Variants in CFI observed in about 807,000 individuals in gnomAD.
CFI encodes the protein C3B/C4B inactivator.
In CFI, 66 loss-of-function variants were observed where a neutral mutation model predicts 78.8. The observed-to-expected ratio is 0.84, with a 90% CI of 0.69 to 1.03. CFI has a LOEUF of 1.03. CFI is among the 50% of genes least tolerant of loss of function. The pLI is 0.00. For synonymous variants in CFI, 250 were observed against 232.6 expected (o/e 1.07, Z -0.68); for missense variants, 706 against 704.5 (o/e 1.00, Z -0.02).
intron 2 of CFI, 32 bp downstream of exon 2, chr4:109,766,522 A>G (rs1304823217): frequency 1.9e-6 from 3 of 1,611,532 alleles, no homozygotes; most frequent in Non-Finnish European, 2.5e-6. Context: ...CTTTTATATC[A>G]TAGAATGACT....
chr4:109,775,522 C>A (rs533988412), intron 1 of CFI, among the ~76,000 whole-genome samples: 11 of 152,332 alleles, frequency 7.2e-5, no homozygotes, highest in African/African-American at 2.6e-4. Flanking sequence ...GGGTGGAGCC[C>A]ACCACAGCTC....
At chr4:109,756,356 G>A (rs1726140102) in intron 7 of CFI, among the ~76,000 whole-genome samples, 1 of 146,848 alleles carries the variant, frequency 6.8e-6, no homozygotes, top group Non-Finnish European at 1.5e-5. Flanking sequence ...AGAAGAAGCA[G>A]CAGGAGGAGG....
rs1450258866 is a variant in CFI at position 109,741,207 on chromosome 4, A to T, written c.1535-97T>A. On this transcript the variant is annotated intron_variant, in intron 12 of 12. Transcript: ENST00000394634. ...GGCATTTAACAACTTTGGCTTTTTTACAGTTTCCTGACAGCAATAGCATGG... is the reference window on the plus strand; with the variant it reads ...GGCATTTAACAACTTTGGCTTTTTTTCAGTTTCCTGACAGCAATAGCATGG... 1.9e-6 allele frequency: 3 copies of T among 1,591,706 alleles called. No individual in the cohort carries two copies. In the African/African-American group the frequency reaches 4.0e-5, roughly 21 times the overall value.
At chr4:109,756,890 AAAGAAAGAAAG>A (rs1726248887) in intron 7 of CFI, among the ~76,000 whole-genome samples, 1 of 16,628 alleles carries the variant, frequency 6.0e-5, no homozygotes, top group Non-Finnish European at 1.4e-4. Flanking sequence ...GAAAGAAAGG[AAAGAAAGAAAG>A]AAAGAAAGAA....
the CFI span, among the ~76,000 whole-genome samples, chr4:109,734,067 G>T: frequency 6.6e-6 from 1 of 152,180 alleles, no homozygotes; most frequent in African/African-American, 2.4e-5. Flanking sequence ...AGCTACTTGG[G>T]AAGCTGAGGT....
rs184663176 is a variant in CFI, at chr4:109,776,631, G to C, written c.58-9807C>G. Among the ~76,000 whole-genome samples, 811 of 152,270 alleles carry C rather than the reference G, an allele frequency of 5.3e-3. 6 individuals are homozygous for C. Among genetic ancestry groups the C allele is most frequent in the African/African-American group, 0.019 (777 of 41,538 alleles). On this transcript the variant is annotated intron_variant, in intron 1 of 12. Coordinates refer to ENST00000394634, the MANE Select transcript of CFI (RefSeq NM_000204.5). The stretch of plus-strand genomic sequence containing the variant: ...CAGGAAATACAGAGAATGCCACAAA[G>C]ATACTCCTCGAGAAGAGCAACAGCA...
Position 109,749,521 on chromosome 4 carries a change from A to T in CFI, c.1022T>A (p.Val341Glu), listed in dbSNP as rs747842653. The change falls in exon 9 of 13, where the codon GTG becomes GAG. Residue 341 changes from valine to glutamate, a missense_variant. Val to Glu is a moderately radical substitution (Grantham distance 121). Transcript: ENST00000394634. ...TACCAGTTGTGCTCGCTTTCCTCCC[A>T]CAATTCGTTTCCTTCGAATGTGCAT... ...NRMHIRRKRI[V>E]GGKRAQLGDL... 1.2e-5 allele frequency: 20 copies of T among 1,613,566 alleles called. No homozygotes were observed. The highest frequency in any genetic ancestry group is 1.7e-5 in the Non-Finnish European group (20 of 1,179,554).
intron 1 of CFI, among the ~76,000 whole-genome samples, chr4:109,788,273 A>T (rs918940337): frequency 6.6e-6 from 1 of 152,140 alleles, no homozygotes; most frequent in Non-Finnish European, 1.5e-5. Flanking sequence ...GGAATGAGTA[A>T]TTTTAATATC....
intron 2 of CFI, 88 bp downstream of exon 2, chr4:109,766,466 A>C (rs1727759455): frequency 4.7e-6 from 7 of 1,500,202 alleles, no homozygotes; most frequent in Non-Finnish European, 6.5e-6. Context: ...ATCATAACAT[A>C]CACAAGAGAA....
intron 1 of CFI, among the ~76,000 whole-genome samples, chr4:109,790,898 G>T (rs144499506): frequency 6.6e-6 from 1 of 152,078 alleles, no homozygotes; most frequent in South Asian, 2.1e-4. Context: ...GAATAGTGCC[G>T]CAATGAACAT....
intron 8 of CFI, among the ~76,000 whole-genome samples, chr4:109,750,299 G>A (rs1288896954): frequency 6.6e-6 from 1 of 152,004 alleles, no homozygotes; most frequent in African/African-American, 2.4e-5. Flanking sequence ...CCCAGCCATA[G>A]TTTTTATTTT....
chr4:109,768,400 C>A (rs1728089723), intron 1 of CFI, among the ~76,000 whole-genome samples: 1 of 148,706 alleles, frequency 6.7e-6, no homozygotes, highest in Admixed American at 6.7e-5. Flanking sequence ...AGTTTTGGCA[C>A]TTACTGTTAC....
chr4:109,752,851 C>T (rs138887685), intron 7 of CFI, among the ~76,000 whole-genome samples: 61 of 136,810 alleles, frequency 4.5e-4, no homozygotes, highest in African/African-American at 1.6e-3. Flanking sequence ...TCTGCATCCC[C>T]AGGGTGTTTT....
intron 2 of CFI, among the ~76,000 whole-genome samples, chr4:109,765,015 T>C (rs1209644813): frequency 6.6e-6 from 1 of 152,178 alleles, no homozygotes; most frequent in African/African-American, 2.4e-5. Context: ...ACTTGCTCAG[T>C]TGATCTCACT....
rs190618462 is a variant in CFI, at chr4:109,794,612, G to A, written c.57+7303C>T. Among the ~76,000 whole-genome samples the A allele has an allele frequency of 9.1e-3, 1,383 of 152,150 alleles. 13 individuals carry two copies. The highest frequency in any genetic ancestry group is 0.014 in the Non-Finnish European group (956 of 68,004). On this transcript the variant is annotated intron_variant, in intron 1 of 12. Transcript: ENST00000394634. Reference sequence around the variant, plus strand: ...GTTCAAAACCAGCCTGGCCAACATGGTGAAACCCCATCTTTACTAAAAATA... The same window carrying A: ...GTTCAAAACCAGCCTGGCCAACATGATGAAACCCCATCTTTACTAAAAATA...
At chr4:109,783,834 T>TATATATATA (rs57344652) in intron 1 of CFI, among the ~76,000 whole-genome samples, 23 of 139,710 alleles carry the variant, frequency 1.6e-4, no homozygotes, top group Admixed American at 2.3e-4. Context: ...TATATATATA[T>TATATATATA]GATGGAATAC....
chr4:109,798,372 T>A (rs564981279), intron 1 of CFI, among the ~76,000 whole-genome samples: 1 of 152,212 alleles, frequency 6.6e-6, no homozygotes, highest in Non-Finnish European at 1.5e-5. Context: ...AGGAAACTTT[T>A]AGAAGTGGTG....
intron 1 of CFI, among the ~76,000 whole-genome samples, chr4:109,769,405 C>T (rs535376186): frequency 1.8e-4 from 27 of 152,222 alleles, no homozygotes; most frequent in Admixed American, 2.0e-4. Flanking sequence ...TCAGCTCAGA[C>T]TTGCTTCCAG....
intron 1 of CFI, among the ~76,000 whole-genome samples, chr4:109,796,542 C>T (rs1413894881): frequency 2.0e-5 from 3 of 152,188 alleles, no homozygotes; most frequent in Non-Finnish European, 4.4e-5. Flanking sequence ...GCAGTTCATG[C>T]CTATTTCCCA....
Sources: allele counts gnomAD v4.1 joint callset (sites outside exome capture counted in the v4.1 genomes callset), GRCh38; gene constraint gnomAD v4.1.1; transcripts MANE v1.5; gene names NCBI Gene and HGNC (gene_info 2026-07-23, HGNC 2026-07-21).